HSD17B2: variants seen among roughly 807,000 people sequenced by gnomAD.
The protein encoded by HSD17B2 is hydroxysteroid 17-beta dehydrogenase 2, also known as 17-beta-hydroxysteroid dehydrogenase type 2.
A neutral mutation model predicts 26.9 loss-of-function variants in HSD17B2; 32 were observed. The observed-to-expected ratio is 1.19, with a 90% CI of 0.90 to 1.60. The LOEUF is 1.60. HSD17B2 is among the 40% of genes most tolerant of loss of function. The probability of loss-of-function intolerance (pLI) is 0.00; values close to 1 mark genes in which losing one functional copy is unlikely to be tolerated. For missense variants in HSD17B2, 613 were observed against 468.6 expected (o/e 1.31, Z -2.85); for synonymous variants, 246 against 186.7 (o/e 1.32, Z -2.59).
At chr16:82,092,217 T>C (rs1018689372) in intron 4 of HSD17B2, 2 of 152,198 alleles carry the variant, frequency 1.3e-5, no homozygotes, top group South Asian at 4.1e-4. Context: ...CCAGCTTCTT[T>C]ATATTTCAGA....
chr16:82,053,674 G>A (rs1002533472), intron 1 of HSD17B2, among the ~76,000 whole-genome samples: 2 of 152,102 alleles, frequency 1.3e-5, no homozygotes, highest in South Asian at 2.1e-4. Context: ...TGAGTGAATT[G>A]ATTAAATTCA....
intron 1 of HSD17B2, among the ~76,000 whole-genome samples, chr16:82,057,736 T>G (rs1914315977): frequency 6.6e-6 from 1 of 152,172 alleles, no homozygotes; most frequent in Non-Finnish European, 1.5e-5. Context: ...CCCCCAAACC[T>G]ATAATCCCAG....
intron 3 of HSD17B2, among the ~76,000 whole-genome samples, chr16:82,080,638 T>C (rs978651720): frequency 1.3e-5 from 2 of 152,218 alleles, no homozygotes; most frequent in Non-Finnish European, 2.9e-5. Context: ...TGTGGGAAAA[T>C]AATGTGTCTG....
intron 4 of HSD17B2, chr16:82,096,961 G>A (rs901305728): frequency 6.6e-6 from 1 of 150,596 alleles, no homozygotes; most frequent in Non-Finnish European, 1.5e-5. Context: ...TTACTGAGAA[G>A]TGGGCTGAAA....
At chr16:82,046,486 G>A (rs186274203) in intron 1 of HSD17B2, among the ~76,000 whole-genome samples, 269 of 152,266 alleles carry the variant, frequency 1.8e-3, no homozygotes, top group African/African-American at 6.3e-3. Flanking sequence ...ACTTTGGGAG[G>A]CTGACACAGG....
chr16:82,055,605 G>A (rs2143948675), intron 1 of HSD17B2, among the ~76,000 whole-genome samples: 1 of 152,276 alleles, frequency 6.6e-6, no homozygotes. Flanking sequence ...ATGTCCTAAG[G>A]TTGGGAAATG....
intron 3 of HSD17B2, among the ~76,000 whole-genome samples, chr16:82,088,225 C>G (rs753345459): frequency 1.3e-5 from 2 of 152,132 alleles, no homozygotes; most frequent in Non-Finnish European, 2.9e-5. Context: ...AGCAGGTGCA[C>G]TTATTACTCT....
intron 4 of HSD17B2, chr16:82,095,769 G>A (rs963461759): frequency 2.0e-5 from 3 of 152,164 alleles, no homozygotes; most frequent in African/African-American, 7.2e-5. Context: ...AAGAAGGGAG[G>A]TCTGTGATTT....
chr16:82,058,596 G>C (rs1007478168), intron 1 of HSD17B2, among the ~76,000 whole-genome samples: 1 of 152,058 alleles, frequency 6.6e-6, no homozygotes, highest in Non-Finnish European at 1.5e-5. Flanking sequence ...AAAGTCATTA[G>C]GGCTCACCTA....
chr16:82,043,714 A>AT (rs1913833901), intron 1 of HSD17B2, among the ~76,000 whole-genome samples: 1 of 148,548 alleles, frequency 6.7e-6, no homozygotes, highest in Non-Finnish European at 1.5e-5. Context: ...AAAAAAAAAA[A>AT]TCATATAGAT....
intron 1 of HSD17B2, among the ~76,000 whole-genome samples, chr16:82,047,477 G>T (rs183196800): frequency 6.6e-6 from 1 of 152,232 alleles, no homozygotes; most frequent in Non-Finnish European, 1.5e-5. Context: ...AATAGTATGC[G>T]TTCATGACAT....
rs8191095 is a variant in HSD17B2 at position 82,058,720 on chromosome 16, T to A, written c.266-9450T>A. Among the ~76,000 whole-genome samples the A allele has an allele frequency of 8.1e-3, 1,230 of 152,306 alleles. 17 individuals carry two copies. Among genetic ancestry groups the A allele is most frequent in the African/African-American group, 0.028 (1,173 of 41,568 alleles). On this transcript the variant is annotated intron_variant, in intron 1 of 4. Coordinates refer to ENST00000199936, the MANE Select transcript of HSD17B2 (RefSeq NM_002153.3). ...TGCTGAATTACAGTCATCTGTACAG[T>A]TCAGTTTCCTTTGTGAATATAGAAT...
intron 1 of HSD17B2, among the ~76,000 whole-genome samples, chr16:82,067,958 T>A (rs1914610440): frequency 1.3e-5 from 2 of 152,210 alleles, no homozygotes; most frequent in South Asian, 4.1e-4. Context: ...CCTAATTCTA[T>A]ATTATGCCCC....
chr16:82,085,474 G>C (rs1409445415), intron 3 of HSD17B2, among the ~76,000 whole-genome samples: 2 of 152,122 alleles, frequency 1.3e-5, no homozygotes, highest in Non-Finnish European at 1.5e-5. Context: ...ACTGGTAAGT[G>C]ATAAAGTCAG....
intron 3 of HSD17B2, among the ~76,000 whole-genome samples, chr16:82,082,914 A>T (rs1369536888): frequency 6.6e-6 from 1 of 152,224 alleles, no homozygotes; most frequent in African/African-American, 2.4e-5. Flanking sequence ...CCTGTAAGCT[A>T]GAACTTGAAC....
intron 3 of HSD17B2, among the ~76,000 whole-genome samples, chr16:82,080,059 T>C (rs1904339130): frequency 6.6e-6 from 1 of 152,172 alleles, no homozygotes; most frequent in African/African-American, 2.4e-5. Flanking sequence ...ACAAGAATTT[T>C]GGTGGCATAG....
chr16:82,078,842 T>C (rs915550399), intron 3 of HSD17B2, among the ~76,000 whole-genome samples: 8 of 152,060 alleles, frequency 5.3e-5, no homozygotes, highest in African/African-American at 1.7e-4. Flanking sequence ...CTCATGGAGA[T>C]AGAGTAGAAG....
intron 1 of HSD17B2, among the ~76,000 whole-genome samples, chr16:82,055,961 C>G (rs1914254095): frequency 6.6e-6 from 1 of 152,104 alleles, no homozygotes. Context: ...GGCCCAGGTA[C>G]CAAGGGTTTG....
At chr16:82,045,779 G>A (rs8047385) in intron 1 of HSD17B2, among the ~76,000 whole-genome samples, 14,993 of 152,248 alleles carry the variant, frequency 0.098, 2,450 homozygotes, top group African/African-American at 0.34. Flanking sequence ...GAGACCCTTG[G>A]CTCTGTGCTG....
Sources: allele counts gnomAD v4.1 joint callset (sites outside exome capture counted in the v4.1 genomes callset), GRCh38; gene constraint gnomAD v4.1.1; transcripts MANE v1.5; gene names NCBI Gene and HGNC (gene_info 2026-07-23, HGNC 2026-07-21).